SLC9A8: variants seen among roughly 807,000 people sequenced by gnomAD.
SLC9A8 encodes the protein solute carrier family 9 member A8.
In SLC9A8, 48 loss-of-function variants were observed where a neutral mutation model predicts 66.6. The observed-to-expected ratio is 0.72, with a 90% CI of 0.57 to 0.92. SLC9A8 has a LOEUF of 0.92. SLC9A8 is among the 40% of genes least tolerant of loss of function. SLC9A8 has a pLI of 0.00. For missense variants in SLC9A8, 599 were observed against 747.3 expected (o/e 0.80, Z 2.31); for synonymous variants, 274 against 282.6 (o/e 0.97, Z 0.31).
rs2089664104 is a variant in SLC9A8, at chr20:49,882,449, G to A, written c.1271-1397G>A. On this transcript the variant is annotated intron_variant, in intron 13 of 15. Transcript: ENST00000361573. ...CTTTCTCTCCTTTGACGTCTCCTTG[G>A]GCTCGTCCCCCTTCGCTGACCCCTC... Among the ~76,000 whole-genome samples the A allele has an allele frequency of 2.6e-5, 4 of 152,130 alleles. No homozygotes were observed. The South Asian group carries it at 8.3e-4, about 32-fold the overall frequency.
intron 3 of SLC9A8, among the ~76,000 whole-genome samples, chr20:49,832,657 A>G (rs574466995): frequency 6.6e-6 from 1 of 152,156 alleles, no homozygotes; most frequent in Non-Finnish European, 1.5e-5. Flanking sequence ...GGATTGCAGA[A>G]GACGAGGTGG....
chr20:49,880,178 C>G (rs1295715467), intron 12 of SLC9A8, among the ~76,000 whole-genome samples: 2 of 149,302 alleles, frequency 1.3e-5, no homozygotes, highest in African/African-American at 5.0e-5. Context: ...GTGGGAGGAT[C>G]ACTGGAGCCC....
intron 14 of SLC9A8, 176 bp downstream of exon 14, chr20:49,884,242 G>GACAC (rs57569872): frequency 0.068 from 7,843 of 115,194 alleles, 797 homozygotes; most frequent in African/African-American, 0.22. Context: ...ACACACACAC[G>GACAC]ACACACACAC....
chr20:49,817,070 A>G lies in SLC9A8; in HGVS notation c.208+1881A>G, dbSNP rs367882988. Among the ~76,000 whole-genome samples, 8 of 151,422 alleles carry G rather than the reference A, an allele frequency of 5.3e-5. No homozygotes were observed. The East Asian group carries it at 6.0e-4, about 11-fold the overall frequency. On this transcript the variant is annotated intron_variant, in intron 2 of 15. Transcript: ENST00000361573. ...TGGCCGGGCGCCGTGGCTCACACCT[A>G]TAATCCCAGCACTTTCGCGTGGATC...
At chr20:49,824,368 T>C (rs1367394938) in intron 3 of SLC9A8, among the ~76,000 whole-genome samples, 1 of 152,220 alleles carries the variant, frequency 6.6e-6, no homozygotes, top group African/African-American at 2.4e-5. Flanking sequence ...AATAGGAGCC[T>C]TGCTCATTAA....
At chr20:49,845,242 T>C (rs534979022) in intron 5 of SLC9A8, 123 bp downstream of exon 5, 38 of 703,350 alleles carry the variant, frequency 5.4e-5, no homozygotes, top group Non-Finnish European at 9.3e-5. Flanking sequence ...TCCTTCCTGG[T>C]TGTGCTCAGT....
In SLC9A8 at chr20:49,823,061, C is replaced by T; in HGVS notation, c.209C>T (p.Ala70Val). 1.2e-6 allele frequency: 2 copies of T among 1,607,172 alleles called. No individual in the cohort carries two copies. The highest frequency in any genetic ancestry group is 1.7e-6 in the Non-Finnish European group (2 of 1,174,652). ...MTIFFSLLVL[A>V]ICIILVHLLI... ...CATTGTATTATTTTTTTTTCCACAG[C>T]TATCTGCATCATATTGGTGCATTTA... The change falls in exon 3 of 16, where the codon GCT (alanine) becomes GTT (valine). Residue 70 changes from alanine to valine, a missense_variant and splice_region_variant. This residue lies in a region of SLC9A8 where 132 missense variants were observed against 120.9 expected (regional missense o/e 1.09). Coordinates refer to ENST00000361573, the MANE Select transcript of SLC9A8 (RefSeq NM_015266.3).
At chr20:49,854,032 G>A (rs989786476) in intron 7 of SLC9A8, among the ~76,000 whole-genome samples, 1 of 152,192 alleles carries the variant, frequency 6.6e-6, no homozygotes, top group Non-Finnish European at 1.5e-5. Flanking sequence ...CCTAGACCCA[G>A]GCTTGGTGAG....
chr20:49,818,989 C>T (rs1406686236), intron 2 of SLC9A8, among the ~76,000 whole-genome samples: 1 of 152,086 alleles, frequency 6.6e-6, no homozygotes, highest in African/African-American at 2.4e-5. Flanking sequence ...CTTTTGTGTC[C>T]TGTAAGCACA....
chr20:49,856,396 T>C (rs2088484514), intron 8 of SLC9A8, among the ~76,000 whole-genome samples: 1 of 152,238 alleles, frequency 6.6e-6, no homozygotes, highest in Non-Finnish European at 1.5e-5. Flanking sequence ...GGAATGCTGA[T>C]AGGTGCCCTG....
chr20:49,834,205 A>G (rs1372412831), intron 3 of SLC9A8, among the ~76,000 whole-genome samples: 2 of 132,286 alleles, frequency 1.5e-5, no homozygotes, highest in African/African-American at 3.1e-5. Flanking sequence ...ATATATATAT[A>G]TATATATATA....
At chr20:49,854,712 G>A (rs1333262906) in intron 7 of SLC9A8, among the ~76,000 whole-genome samples, 6 of 152,140 alleles carry the variant, frequency 3.9e-5, no homozygotes, top group Admixed American at 6.6e-5. Flanking sequence ...GTTGTCCCTC[G>A]GTTTTCTCCT....
rs1221288598 is a variant in SLC9A8, at chr20:49,891,058, C to T, written c.*3122C>T. 1.3e-5 allele frequency: 2 copies of T among 152,252 alleles called. No homozygotes were observed. The highest frequency in any genetic ancestry group is 2.1e-4 in the South Asian group (1 of 4,824). 9.4% of individuals were successfully genotyped at this position (152,252 alleles called of 1,614,324 possible). ...CTTGGAGAGTCCTCAGCAGGGTAGC[C>T]GAGGCCAGGCCACTTCTGCTGAGGA... is the stretch of plus-strand genomic sequence containing the variant. On this transcript the variant is annotated 3_prime_UTR_variant, in exon 16 of 16. Coordinates refer to ENST00000361573, the MANE Select transcript of SLC9A8 (RefSeq NM_015266.3).
intron 14 of SLC9A8, among the ~76,000 whole-genome samples, chr20:49,884,354 C>A (rs1175518995): frequency 2.4e-5 from 3 of 127,384 alleles, no homozygotes; most frequent in African/African-American, 8.7e-5. Context: ...GTCATCCCCC[C>A]TGAGAAGGAG....
chr20:49,834,206 T>TAC lies in SLC9A8; in HGVS notation c.290-5334_290-5333insCA, dbSNP rs1568811788. On this transcript the variant is annotated intron_variant, in intron 3 of 15. Coordinates refer to ENST00000361573, the MANE Select transcript of SLC9A8 (RefSeq NM_015266.3). ...CTCTCTATATATATATATATATATATATATATATACACACACACACTATGT... is the reference window on the plus strand; with the variant it reads ...CTCTCTATATATATATATATATATATACATATATATACACACACACACTATGT... 2.1e-4 allele frequency among the ~76,000 whole-genome samples: 24 copies of TAC among 112,210 alleles called. 1 individual carries two copies. Among genetic ancestry groups the TAC allele is most frequent in the African/African-American group, 7.1e-4 (21 of 29,426 alleles). 73.6% of individuals were successfully genotyped at this position (112,210 alleles called of 152,430 possible).
At chr20:49,878,226 A>G (rs1323688425) in intron 12 of SLC9A8, among the ~76,000 whole-genome samples, 163 bp downstream of exon 12, 6 of 152,082 alleles carry the variant, frequency 3.9e-5, no homozygotes, top group Non-Finnish European at 7.4e-5. Context: ...AATCACAAAC[A>G]TACAGTAAGG....
chr20:49,828,521 C>A (rs1445230668), intron 3 of SLC9A8, among the ~76,000 whole-genome samples: 3 of 147,802 alleles, frequency 2.0e-5, no homozygotes, highest in African/African-American at 7.5e-5. Context: ...CTGTGCCTGG[C>A]CAAAAAATTG....
chr20:49,847,313 G>A (rs1312059716), intron 5 of SLC9A8, among the ~76,000 whole-genome samples: 1 of 151,304 alleles, frequency 6.6e-6, no homozygotes, highest in East Asian at 1.9e-4. Flanking sequence ...AACATGCTGA[G>A]GAAATTGACT....
At chr20:49,835,888 A>G (rs774916548) in intron 3 of SLC9A8, among the ~76,000 whole-genome samples, 5 of 151,856 alleles carry the variant, frequency 3.3e-5, no homozygotes, top group East Asian at 1.9e-4. Flanking sequence ...GGGTTTCACT[A>G]TGTTGACCAG....
Sources: allele counts gnomAD v4.1 joint callset (sites outside exome capture counted in the v4.1 genomes callset), GRCh38; gene constraint gnomAD v4.1.1; regional missense constraint gnomAD v4.1.1; transcripts MANE v1.5; gene names NCBI Gene and HGNC (gene_info 2026-07-23, HGNC 2026-07-21).